The following ENOX1 variants were observed in gnomAD, a reference collection of about 807,000 sequenced individuals.
The protein encoded by ENOX1 is ecto-NOX disulfide-thiol exchanger 1.
ENOX1 carries 42 observed loss-of-function variants against 82.5 expected under a neutral mutation model. The ratio of observed to expected loss-of-function variants is 0.51; its 90% CI spans 0.40 to 0.66. ENOX1 has a LOEUF of 0.66. Among genes scored for constraint, ENOX1 ranks in the 30% least tolerant of loss-of-function variants. The pLI is 0.00. For missense variants in ENOX1, 608 were observed against 811.6 expected (o/e 0.75, Z 3.05); for synonymous variants, 271 against 282.2 (o/e 0.96, Z 0.40).
At chr13:43,764,837 T>TA (rs1951178308) in intron 1 of ENOX1, among the ~76,000 whole-genome samples, 1 of 152,170 alleles carries the variant, frequency 6.6e-6, no homozygotes. Flanking sequence ...AGAAACAGCT[T>TA]AAAAAACACT....
At chr13:43,650,493 G>C (rs925156792) in intron 2 of ENOX1, among the ~76,000 whole-genome samples, 10 of 152,182 alleles carry the variant, frequency 6.6e-5, no homozygotes, top group Middle Eastern at 3.4e-3. Flanking sequence ...TTGAGGGGAG[G>C]CTCATTAGGT....
intron 8 of ENOX1, among the ~76,000 whole-genome samples, chr13:43,346,264 A>G (rs954516044): frequency 3.9e-5 from 6 of 152,130 alleles, no homozygotes; most frequent in African/African-American, 2.4e-5. Flanking sequence ...TCAAGGTCCT[A>G]CGGCTGAACT....
intron 3 of ENOX1, among the ~76,000 whole-genome samples, chr13:43,462,440 C>T (rs1238415496): frequency 2.6e-5 from 4 of 152,190 alleles, no homozygotes; most frequent in South Asian, 2.1e-4. Context: ...GTAGGCACCA[C>T]TGGTTATTTC....
intron 2 of ENOX1, among the ~76,000 whole-genome samples, chr13:43,589,896 CA>C (rs56787803): frequency 0.42 from 45,446 of 108,836 alleles, 6,862 homozygotes; most frequent in Middle Eastern, 0.46. Flanking sequence ...GTCTATTCTG[CA>C]AAAAAAAAAA....
At chr13:43,644,725 C>T (rs1437423362) in intron 2 of ENOX1, among the ~76,000 whole-genome samples, 2 of 152,282 alleles carry the variant, frequency 1.3e-5, no homozygotes, top group East Asian at 1.9e-4. Context: ...AGCTGAGGCT[C>T]ATCTATTTTA....
intron 1 of ENOX1, among the ~76,000 whole-genome samples, chr13:43,761,227 A>C (rs886981708): frequency 6.6e-6 from 1 of 152,194 alleles, no homozygotes; most frequent in Non-Finnish European, 1.5e-5. Context: ...GAGGCAAGAG[A>C]ATGCAAATTC....
chr13:43,673,016 G>A (rs1421936814), intron 1 of ENOX1, among the ~76,000 whole-genome samples: 1 of 152,102 alleles, frequency 6.6e-6, no homozygotes, highest in Non-Finnish European at 1.5e-5. Context: ...ACCTTTTCTA[G>A]ATCAATTCTT....
intron 1 of ENOX1, among the ~76,000 whole-genome samples, chr13:43,750,261 A>G (rs1950237071): frequency 6.6e-6 from 1 of 152,204 alleles, no homozygotes. Context: ...ATTATCAGGA[A>G]GTGGAAACAT....
At chr13:43,718,400 G>T (rs982673924) in intron 1 of ENOX1, among the ~76,000 whole-genome samples, 3 of 151,986 alleles carry the variant, frequency 2.0e-5, no homozygotes, top group African/African-American at 7.3e-5. Flanking sequence ...GGAGGGAAGA[G>T]GGGATGGGTT....
intron 14 of ENOX1, among the ~76,000 whole-genome samples, chr13:43,246,666 T>G (rs2043096896): frequency 6.6e-6 from 1 of 152,070 alleles, no homozygotes; most frequent in Admixed American, 6.5e-5. Context: ...CATGCTCTCT[T>G]GATTTGAAGG....
chr13:43,627,249 G>A (rs1006657824), intron 2 of ENOX1, among the ~76,000 whole-genome samples: 4 of 151,862 alleles, frequency 2.6e-5, no homozygotes, highest in Admixed American at 6.6e-5. Flanking sequence ...CGTCTTGATC[G>A]TTTTAGACTA....
At chr13:43,542,910 G>A (rs1030438526) in intron 2 of ENOX1, among the ~76,000 whole-genome samples, 1 of 152,156 alleles carries the variant, frequency 6.6e-6, no homozygotes, top group Non-Finnish European at 1.5e-5. Flanking sequence ...GTTCTCACAT[G>A]GTGGAAGGGA....
At chr13:43,392,918 G>A (rs965035296) in intron 5 of ENOX1, among the ~76,000 whole-genome samples, 1 of 152,010 alleles carries the variant, frequency 6.6e-6, no homozygotes, top group African/African-American at 2.4e-5. Context: ...TCTTTGCTGT[G>A]TTCTTTTCTC....
chr13:43,773,547 G>C (rs1172864662), intron 1 of ENOX1, among the ~76,000 whole-genome samples: 2 of 152,068 alleles, frequency 1.3e-5, no homozygotes, highest in Admixed American at 6.6e-5. Flanking sequence ...CCTCCTTCTG[G>C]TTTCTAAAAG....
chr13:43,668,657 A>C (rs1050157795), intron 1 of ENOX1, among the ~76,000 whole-genome samples: 1 of 152,222 alleles, frequency 6.6e-6, no homozygotes, highest in African/African-American at 2.4e-5. Flanking sequence ...AAAGAGCCCC[A>C]AAGTGGAAGG....
At chr13:43,761,536 A>G (rs528480117) in intron 1 of ENOX1, among the ~76,000 whole-genome samples, 1 of 152,232 alleles carries the variant, frequency 6.6e-6, no homozygotes. Flanking sequence ...ACAAATATCA[A>G]CTCCCTGCCC....
intron 2 of ENOX1, among the ~76,000 whole-genome samples, chr13:43,523,721 C>T (rs1418297351): frequency 6.6e-6 from 1 of 152,038 alleles, no homozygotes; most frequent in Admixed American, 6.6e-5. Flanking sequence ...CCTCTGAGGC[C>T]CCCTATGCTA....
chr13:43,461,472 A>G (rs1254654530), intron 3 of ENOX1, among the ~76,000 whole-genome samples: 1 of 152,196 alleles, frequency 6.6e-6, no homozygotes, highest in Non-Finnish European at 1.5e-5. Flanking sequence ...CTTACAAGAA[A>G]CTGTATTAGG....
chr13:43,291,865 C>CA (rs1380754149), intron 12 of ENOX1, among the ~76,000 whole-genome samples: 2 of 152,144 alleles, frequency 1.3e-5, no homozygotes, highest in African/African-American at 4.8e-5. Context: ...TAGTGTATGA[C>CA]AGGTTCTGGC....
Sources: allele counts gnomAD v4.1 joint callset (sites outside exome capture counted in the v4.1 genomes callset), GRCh38; gene constraint gnomAD v4.1.1; transcripts MANE v1.5; gene names NCBI Gene and HGNC (gene_info 2026-07-23, HGNC 2026-07-21).